Variants in C1GALT1 observed in about 807,000 individuals in gnomAD.
C1GALT1 encodes the protein core 1 synthase, glycoprotein-N-acetylgalactosamine 3-beta-galactosyltransferase 1, also known as glycoprotein-N-acetylgalactosamine 3-beta-galactosyltransferase 1.
C1GALT1 carries 11 observed loss-of-function variants against 31.0 expected under a neutral mutation model. The observed-to-expected ratio is 0.36, with a 90% confidence interval of 0.22 to 0.59. The LOEUF (loss-of-function observed/expected upper bound fraction) is 0.59, where lower values mean the gene tolerates loss of function less well. C1GALT1 is among the 20% of genes least tolerant of loss of function. The probability of loss-of-function intolerance (pLI) is 0.79; values close to 1 mark genes in which losing one functional copy is unlikely to be tolerated. For missense variants in C1GALT1, 424 were observed against 425.2 expected (o/e 1.00, Z 0.03); for synonymous variants, 175 against 143.6 (o/e 1.22, Z -1.56).
chr7:7,197,384 C>G (rs1781338477), intron 1 of C1GALT1, among the ~76,000 whole-genome samples: 2 of 152,138 alleles, frequency 1.3e-5, no homozygotes, highest in Non-Finnish European at 2.9e-5. Context: ...GGGCTATATT[C>G]TGTTCCATTG....
chr7:7,159,592 C>A (rs1264363766), intron 2 of C1GALT1, among the ~76,000 whole-genome samples: 2 of 152,032 alleles, frequency 1.3e-5, no homozygotes, highest in African/African-American at 4.8e-5. Context: ...TCCCCAGAGG[C>A]TCAATAGAAA....
At chr7:7,208,407 C>T (rs776885407) in intron 1 of C1GALT1, among the ~76,000 whole-genome samples, 2 of 152,020 alleles carry the variant, frequency 1.3e-5, no homozygotes, top group African/African-American at 2.4e-5. Flanking sequence ...GTACTATCTG[C>T]GGTTTCAGGC....
chr7:7,182,251 C>G (rs982051027), upstream of C1GALT1, among the ~76,000 whole-genome samples: 1 of 152,218 alleles, frequency 6.6e-6, no homozygotes, highest in African/African-American at 2.4e-5. Context: ...CTTCAAGCAT[C>G]CCCTTTCTCG....
intron 1 of C1GALT1, among the ~76,000 whole-genome samples, chr7:7,205,861 A>G (rs1406856371): frequency 6.6e-6 from 1 of 152,170 alleles, no homozygotes; most frequent in African/African-American, 2.4e-5. Context: ...CAATTCTGCA[A>G]ATCTCTGCCT....
upstream of C1GALT1, among the ~76,000 whole-genome samples, chr7:7,181,801 C>T (rs951987344): frequency 6.6e-6 from 1 of 152,120 alleles, no homozygotes; most frequent in African/African-American, 2.4e-5. Context: ...TAATGGTTAA[C>T]GCCAGTAAAG....
chr7:7,215,253 GACAGAACCAT>G (rs1179243831), intron 1 of C1GALT1, among the ~76,000 whole-genome samples: 1 of 152,146 alleles, frequency 6.6e-6, no homozygotes, highest in African/African-American at 2.4e-5. Context: ...CCCTTTCTTT[GACAGAACCAT>G]ACAGAAAGAG....
rs913083694 is a variant in C1GALT1, at chr7:7,182,618, G to C, written c.-220G>C. On this transcript the variant is annotated 5_prime_UTR_variant, in exon 1 of 4. Coordinates refer to ENST00000436587, the MANE Select transcript of C1GALT1 (RefSeq NM_020156.5). ...CGCTGCGGGGAGGGGCGGAGCGAGC[G>C]GGCGGGAGCGCGCGCTGGGCCCGCC... 1.8e-5 allele frequency: 3 copies of C among 170,220 alleles called. No homozygotes were observed. Among genetic ancestry groups the C allele is most frequent in the African/African-American group, 7.2e-5 (3 of 41,760 alleles). The allele number at this position is 170,220 out of a possible 1,614,324, so 10.5% of individuals were successfully genotyped here.
chr7:7,240,832 G>A (rs771858630), intron 3 of C1GALT1, among the ~76,000 whole-genome samples: 1 of 151,984 alleles, frequency 6.6e-6, no homozygotes, highest in Non-Finnish European at 1.5e-5. Flanking sequence ...CTATCATTTA[G>A]TAAGTTTTCT....
rs555598525 is a variant in C1GALT1 at position 7,165,450 on chromosome 7, C to T, written c.-18+8024C>T. Among the ~76,000 whole-genome samples the T allele has an allele frequency of 3.9e-5, 6 of 152,142 alleles. No individual in the cohort carries two copies. The South Asian group carries it at 6.2e-4, about 16-fold the overall frequency. On this transcript the variant is annotated intron_variant, in intron 2 of 3. Coordinates refer to the C1GALT1 transcript ENST00000429911. Reference sequence around the variant, plus strand: ...TAAGGGAATAAGAAAAAAATTGTGTCCATATTTGGATTAAAGAGAAAAGAC... The same window carrying T: ...TAAGGGAATAAGAAAAAAATTGTGTTCATATTTGGATTAAAGAGAAAAGAC...
At chr7:7,241,602 T>G (rs1226230906) in intron 3 of C1GALT1, among the ~76,000 whole-genome samples, 2 of 152,050 alleles carry the variant, frequency 1.3e-5, no homozygotes, top group African/African-American at 4.8e-5. Flanking sequence ...ATAAACTATT[T>G]CCATAGGTAT....
chr7:7,226,137 A>G (rs1235513523), intron 1 of C1GALT1, among the ~76,000 whole-genome samples: 1 of 152,172 alleles, frequency 6.6e-6, no homozygotes. Context: ...ATGGTACCTC[A>G]CATGTACTAT....
At position 7,166,908 on chromosome 7, in the gene C1GALT1, G is replaced by A. The variant is rs548963822; in HGVS notation, c.-18+9482G>A. Among the ~76,000 whole-genome samples the A allele has an allele frequency of 7.0e-4, 106 of 152,326 alleles. No individual in the cohort carries two copies. In the South Asian group the frequency reaches 8.9e-3, roughly 13 times the overall value. Reference sequence around the variant, plus strand: ...AGCTTTCTCCACTTTAACTAATCATGTTAGTCCTTTTTATTTACAGCTGGA... The same window carrying A: ...AGCTTTCTCCACTTTAACTAATCATATTAGTCCTTTTTATTTACAGCTGGA... On this transcript the variant is annotated intron_variant, in intron 2 of 3. Coordinates refer to the C1GALT1 transcript ENST00000429911.
At chr7:7,221,342 A>G (rs1178237531) in intron 1 of C1GALT1, among the ~76,000 whole-genome samples, 1 of 152,060 alleles carries the variant, frequency 6.6e-6, no homozygotes. Flanking sequence ...CTGATTTTTA[A>G]AAACTGATAC....
rs142237959 is a variant in C1GALT1 at position 7,201,381 on chromosome 7, G to T, written c.-18+18561G>T. On this transcript the variant is annotated intron_variant, in intron 1 of 3. Coordinates refer to ENST00000436587, the MANE Select transcript of C1GALT1 (RefSeq NM_020156.5). Reference sequence around the variant, plus strand: ...CCTCTGGAAGCTTCGTCTCAGAGGGGCACCCAGCTGTATGAGGTGCCAGTC... The same window carrying T: ...CCTCTGGAAGCTTCGTCTCAGAGGGTCACCCAGCTGTATGAGGTGCCAGTC... Among the ~76,000 whole-genome samples, 496 of 152,306 alleles carry T rather than the reference G, an allele frequency of 3.3e-3. 6 individuals are homozygous for T. Among genetic ancestry groups the T allele is most frequent in the African/African-American group, 0.011 (470 of 41,562 alleles).
In C1GALT1 at chr7:7,172,487, T is replaced by C. The variant is rs535304052; in HGVS notation, c.-18+15061T>C. Among the ~76,000 whole-genome samples the C allele has an allele frequency of 2.6e-5, 4 of 152,324 alleles. No individual in the cohort carries two copies. In the East Asian group the frequency reaches 5.8e-4, roughly 22 times the overall value. The stretch of plus-strand genomic sequence containing the variant: ...TCAGTTTCTTGGATTTGTAGGTTAC[T>C]ATATTTAATAAAATTTTGGAAGTTT... On this transcript the variant is annotated intron_variant, in intron 2 of 3. Coordinates refer to the C1GALT1 transcript ENST00000429911.
At chr7:7,236,078 A>G (rs1024701722) in intron 2 of C1GALT1, among the ~76,000 whole-genome samples, 5 of 151,938 alleles carry the variant, frequency 3.3e-5, no homozygotes, top group Non-Finnish European at 7.4e-5. Flanking sequence ...GCTCTGTAGG[A>G]TTTATTAGCC....
intron 1 of C1GALT1, among the ~76,000 whole-genome samples, chr7:7,213,766 C>T (rs1583791389): frequency 6.6e-6 from 1 of 152,154 alleles, no homozygotes; most frequent in South Asian, 2.1e-4. Flanking sequence ...CCACTTTGAC[C>T]ATGAGGTAAA....
At chr7:7,231,691 G>A (rs530588088) in intron 1 of C1GALT1, among the ~76,000 whole-genome samples, 9 of 151,352 alleles carry the variant, frequency 5.9e-5, no homozygotes, top group African/African-American at 1.9e-4. Flanking sequence ...TTTTGGCTCT[G>A]TTTCTATTGT....
chr7:7,222,906 T>TTTG (rs78327011), intron 1 of C1GALT1, among the ~76,000 whole-genome samples: 203 of 95,232 alleles, frequency 2.1e-3, no homozygotes, highest in African/African-American at 0.013. Context: ...GTGAGTTTTT[T>TTTG]TTTGGTTTTA....
Sources: gnomAD v4.1 joint callset for allele counts (sites outside exome capture counted in the v4.1 genomes callset) on GRCh38, gnomAD v4.1.1 for gene constraint, MANE v1.5 for transcripts, NCBI Gene and HGNC (gene_info 2026-07-23, HGNC 2026-07-21) for gene names.